NAT10: variants seen among roughly 807,000 people sequenced by gnomAD.
NAT10 encodes N-acetyltransferase 10.
NAT10 carries 109 observed loss-of-function variants against 132.2 expected under a neutral mutation model. The observed-to-expected ratio is 0.82, with a 90% confidence interval of 0.71 to 0.97. NAT10 has a LOEUF of 0.97. NAT10 is among the 50% of genes least tolerant of loss of function. NAT10 has a pLI of 0.00. For synonymous variants in NAT10, 479 were observed against 478.0 expected (o/e 1.00, Z -0.03); for missense variants, 1,184 against 1,263.4 (o/e 0.94, Z 0.95).
intron 23 of NAT10, among the ~76,000 whole-genome samples, chr11:34,139,800 G>C (rs1240325851): frequency 6.6e-6 from 1 of 152,128 alleles, no homozygotes; most frequent in Non-Finnish European, 1.5e-5. Context: ...CCATCTCTGA[G>C]GTTTAGTTTC....
chr11:34,146,521 T>G lies in NAT10; in HGVS notation c.*329T>G. 1 of 186,596 alleles carries G rather than the reference T, an allele frequency of 5.4e-6. No individual in the cohort carries two copies. Among genetic ancestry groups the G allele is most frequent in the Non-Finnish European group, 1.1e-5 (1 of 89,148 alleles). The allele number at this position is 186,596 out of a possible 1,614,324, so 11.6% of individuals were successfully genotyped here. On this transcript the variant is annotated 3_prime_UTR_variant, in exon 29 of 29. Coordinates refer to ENST00000257829, the MANE Select transcript of NAT10 (RefSeq NM_024662.3). Reference sequence around the variant, plus strand: ...CTTTTTAGTCTCATTCCCACACATGTGGAAGCCACGTTGCCTCTCGACCGC... The same window carrying G: ...CTTTTTAGTCTCATTCCCACACATGGGGAAGCCACGTTGCCTCTCGACCGC...
intron 12 of NAT10, among the ~76,000 whole-genome samples, chr11:34,128,060 GA>G (rs1462155038): frequency 9.2e-5 from 14 of 152,104 alleles, no homozygotes; most frequent in Admixed American, 9.2e-4. Context: ...GTAAGCAAAA[GA>G]AAAATCACCT....
chr11:34,125,895 T>A (rs1490797997), intron 11 of NAT10, among the ~76,000 whole-genome samples: 3 of 152,074 alleles, frequency 2.0e-5, no homozygotes, highest in Non-Finnish European at 4.4e-5. Context: ...ACCCGAGAAT[T>A]GGTTGAACCC....
intron 12 of NAT10, among the ~76,000 whole-genome samples, chr11:34,129,411 GC>G (rs1162262330): frequency 1.3e-5 from 2 of 151,992 alleles, no homozygotes; most frequent in Non-Finnish European, 2.9e-5. Flanking sequence ...GTGCGTATTG[GC>G]CACTCACGTA....
At chr11:34,108,126 A>C in intron 1 of NAT10, 85 bp from the exon 2 acceptor site, 4 of 838,082 alleles carry the variant, frequency 4.8e-6, no homozygotes, top group Non-Finnish European at 8.1e-6. Context: ...TGCCTAGCAC[A>C]GTCCCAGGCC....
chr11:34,115,383 C>G (rs995460984), intron 5 of NAT10, among the ~76,000 whole-genome samples: 4 of 152,170 alleles, frequency 2.6e-5, no homozygotes, highest in Non-Finnish European at 4.4e-5. Context: ...CCCTCCCTCA[C>G]TACCCTACAT....
chr11:34,130,884 A>G lies in NAT10; in HGVS notation c.1316A>G (p.Gln439Arg). The G allele has an allele frequency of 6.2e-7, 1 of 1,614,222 alleles. No homozygotes were observed. Among genetic ancestry groups the G allele is most frequent in the South Asian group, 1.1e-5 (1 of 91,084 alleles). The change falls in exon 13 of 29, where the codon CAG becomes CGG. Residue 439 changes from glutamine to arginine, a missense_variant. Gln to Arg is a conservative substitution (Grantham distance 43). Transcript: ENST00000257829. ...QQLRQQSAQS[Q>R]VSTTAENKTT... ...CTCCGTCAACAGAGCGCCCAGAGCCAGGTCAGCACCACTGCTGAGAATAAG... is the reference window on the plus strand; with the variant it reads ...CTCCGTCAACAGAGCGCCCAGAGCCGGGTCAGCACCACTGCTGAGAATAAG...
chr11:34,108,294 A>T lies in NAT10; in HGVS notation c.69A>T (p.Arg23Ser). 6.2e-7 allele frequency: 1 copy of T among 1,614,140 alleles called. No homozygotes were observed. ...LIENGVAERQ[R>S]SLFVVVGDRG... The stretch of plus-strand genomic sequence containing the variant: ...AGAATGGAGTAGCTGAGCGGCAAAG[A>T]TCTCTCTTTGTTGTAGTTGGGGATC... Residue 23 changes from arginine (R) to serine (S), a missense_variant, in exon 2 of 29, where the codon AGA becomes AGT. Coordinates refer to ENST00000257829, the MANE Select transcript of NAT10 (RefSeq NM_024662.3).
intron 5 of NAT10, among the ~76,000 whole-genome samples, chr11:34,114,470 C>T (rs1323349876): frequency 2.0e-5 from 3 of 152,176 alleles, no homozygotes; most frequent in Admixed American, 1.3e-4. Flanking sequence ...CTTAGGGTTT[C>T]CTGAGCTGCA....
intron 11 of NAT10, 151 bp from the exon 12 acceptor site, chr11:34,127,311 GC>G: frequency 1.2e-6 from 1 of 854,174 alleles, no homozygotes; most frequent in South Asian, 1.8e-5. Flanking sequence ...TCCCATTTTT[GC>G]CCTGCCAGGA....
At position 34,115,726 on chromosome 11, in the gene NAT10, A is replaced by T; in HGVS notation, c.496-97A>T. On this transcript the variant is annotated intron_variant, in intron 5 of 28. Transcript: ENST00000257829. Reference sequence around the variant, plus strand: ...TGGGAGTGATTTTGTTTCCAGCAAGATTGCCCATGTCTCCTTGGATAGAGC... The same window carrying T: ...TGGGAGTGATTTTGTTTCCAGCAAGTTTGCCCATGTCTCCTTGGATAGAGC... 4 of 1,211,720 alleles carry T rather than the reference A, an allele frequency of 3.3e-6. No homozygotes were observed. In the South Asian group the frequency reaches 5.6e-5, roughly 17 times the overall value. The allele number at this position is 1,211,720 out of a possible 1,614,324, so 75.1% of individuals were successfully genotyped here. A position where few individuals can be genotyped will look rare whatever the true frequency, so the allele number is the denominator to read the frequency against.
At position 34,118,230 on chromosome 11, in the gene NAT10, A is replaced by G. The variant is rs373094620; in HGVS notation, c.608A>G (p.Gln203Arg). The G allele has an allele frequency of 1.1e-5, 17 of 1,614,182 alleles. No individual in the cohort carries two copies. In the African/African-American group the frequency reaches 2.1e-4, roughly 20 times the overall value. Residue 203 changes from glutamine (Q) to arginine (R), a missense_variant, in exon 7 of 29, where the codon CAG becomes CGG. By Grantham distance (43) the Gln-to-Arg change is conservative (BLOSUM62 1). Transcript: ENST00000257829. ...SCKKCLVIDD[Q>R]LNILPISSHV... The stretch of plus-strand genomic sequence containing the variant: ...AAGAAGTGTCTCGTCATTGATGACC[A>G]GCTCAACATCCTGCCCATCTCCTCC...
intron 16 of NAT10, among the ~76,000 whole-genome samples, 161 bp downstream of exon 16, chr11:34,133,303 G>C (rs913381724): frequency 6.6e-6 from 1 of 152,186 alleles, no homozygotes; most frequent in Non-Finnish European, 1.5e-5. Context: ...GGGTGCACTG[G>C]AAGAGGTTAG....
rs147822972 is a variant in NAT10 at position 34,133,134 on chromosome 11, G to A, written c.1726G>A (p.Val576Ile). The A allele has an allele frequency of 1.2e-6, 2 of 1,611,464 alleles. No individual in the cohort carries two copies. Among genetic ancestry groups the A allele is most frequent in the Non-Finnish European group, 1.7e-6 (2 of 1,177,538 alleles). Residue 576 changes from valine to isoleucine, a missense_variant, in exon 16 of 29, where the codon GTT (valine) becomes ATT (isoleucine). Physicochemically the swap from Val to Ile is conservative, Grantham distance 29. Coordinates refer to ENST00000257829, the MANE Select transcript of NAT10 (RefSeq NM_024662.3). ...GAATGCCCTTCCAGAAGTGCTTGCT[G>A]TTATCCAGGTATAGGAGCAGAGGCG... ...TQNALPEVLAVIQVCLEGEIS... is the reference protein window; with the variant it reads ...TQNALPEVLAIIQVCLEGEIS...
At chr11:34,124,101 G>A (rs1056633006) in intron 10 of NAT10, among the ~76,000 whole-genome samples, 8 of 152,080 alleles carry the variant, frequency 5.3e-5, no homozygotes, top group Non-Finnish European at 8.8e-5. Context: ...CCCGGGAGGC[G>A]GAGGTTGCAG....
intron 22 of NAT10, 47 bp downstream of exon 22, chr11:34,139,334 G>A: frequency 6.2e-7 from 1 of 1,611,610 alleles, no homozygotes; most frequent in South Asian, 1.1e-5. Context: ...GTGATTGGGG[G>A]CTGCCGGGGA....
intron 5 of NAT10, 84 bp from the exon 6 acceptor site, chr11:34,115,739 C>T: frequency 7.2e-7 from 1 of 1,389,084 alleles, no homozygotes; most frequent in Non-Finnish European, 1.0e-6. Context: ...GCCCATGTCT[C>T]CTTGGATAGA....
At chr11:34,130,698 T>C in intron 12 of NAT10, 115 bp from the exon 13 acceptor site, 2 of 1,337,530 alleles carry the variant, frequency 1.5e-6, no homozygotes, top group Non-Finnish European at 2.1e-6. Flanking sequence ...AGCAAGGCTG[T>C]CCTGGGGGAA....
chr11:34,143,574 G>T, intron 28 of NAT10, 46 bp downstream of exon 28: 1 of 1,529,932 alleles, frequency 6.5e-7, no homozygotes. Context: ...GAGGCATTCT[G>T]GCCTCTCTGC....
Sources: allele counts gnomAD v4.1 joint callset (sites outside exome capture counted in the v4.1 genomes callset), GRCh38; gene constraint gnomAD v4.1.1; transcripts MANE v1.5; gene names NCBI Gene and HGNC (gene_info 2026-07-23, HGNC 2026-07-21).